The following GAS2L3 variants were observed in gnomAD, a reference collection of about 807,000 sequenced individuals.
The protein encoded by GAS2L3 is growth arrest specific 2 like 3, also known as GAS2-like protein 3.
Under a neutral mutation model 37.0 loss-of-function variants are expected in GAS2L3, and 28 were observed. The observed-to-expected ratio is 0.76, with a 90% confidence interval of 0.56 to 1.04. The LOEUF (loss-of-function observed/expected upper bound fraction) is 1.04, where lower values mean the gene tolerates loss of function less well. Ranked by LOEUF, GAS2L3 falls within the 50% of genes least tolerant of loss-of-function variation. GAS2L3 has a pLI of 0.00. For synonymous variants in GAS2L3, 290 were observed against 296.6 expected, an observed-to-expected ratio of 0.98 and a Z score of 0.23; for missense variants, 793 against 817.6, an observed-to-expected ratio of 0.97 and a Z score of 0.37.
intron 6 of GAS2L3, 120 bp from the exon 7 acceptor site, chr12:100,617,624 C>T: frequency 1.7e-5 from 11 of 640,912 alleles, no homozygotes; most frequent in East Asian, 8.8e-5. Flanking sequence ...TTCATTTTTT[C>T]TAAACAAGTA....
At chr12:100,574,372 A>G (rs1023228924) in intron 1 of GAS2L3, among the ~76,000 whole-genome samples, 8 of 152,096 alleles carry the variant, frequency 5.3e-5, no homozygotes, top group African/African-American at 1.7e-4. Context: ...GAACGCCCAC[A>G]TGTGCGGAAC....
rs1167514893 is a variant in GAS2L3 at position 100,625,176 on chromosome 12, G to T, written c.*286G>T. 1 of 239,666 alleles carries T rather than the reference G, an allele frequency of 4.2e-6. No individual in the cohort carries two copies. The highest frequency in any genetic ancestry group is 1.1e-4 in the South Asian group (1 of 8,796). 14.8% of individuals were successfully genotyped at this position (239,666 alleles called of 1,614,324 possible). On this transcript the variant is annotated 3_prime_UTR_variant, in exon 10 of 10. Transcript: ENST00000547754. The stretch of plus-strand genomic sequence containing the variant: ...CTTTGTTAACATCTGCCTTTTGCAG[G>T]AAATGTAAAAGTTATTTAACACTAC...
At position 100,595,411 on chromosome 12, in the gene GAS2L3, T is replaced by G. The variant is rs1955899419; in HGVS notation, c.18+489T>G. On this transcript the variant is annotated intron_variant, in intron 3 of 9. Coordinates refer to ENST00000547754, the MANE Select transcript of GAS2L3 (RefSeq NM_174942.3). ...TTTAAAGAGTGGGTTTTTTTTTTTT[T>G]GTTTTGTTTTTTGTGGAGGGGTGCA... 4.0e-5 allele frequency among the ~76,000 whole-genome samples: 6 copies of G among 151,352 alleles called. No homozygotes were observed. In the South Asian group the frequency reaches 1.3e-3, roughly 32 times the overall value.
At chr12:100,584,775 G>A (rs1955757656) in intron 1 of GAS2L3, among the ~76,000 whole-genome samples, 3 of 151,174 alleles carry the variant, frequency 2.0e-5, no homozygotes, top group African/African-American at 7.3e-5. Flanking sequence ...GTTTCATCAT[G>A]TTGGCCAGGA....
intron 5 of GAS2L3, among the ~76,000 whole-genome samples, chr12:100,606,463 G>T (rs1311718666): frequency 6.6e-6 from 1 of 151,952 alleles, no homozygotes; most frequent in Non-Finnish European, 1.5e-5. Flanking sequence ...TGTGTTTTTT[G>T]ATTGGAGAAT....
intron 1 of GAS2L3, chr12:100,580,299 T>G: frequency 2.6e-6 from 1 of 388,096 alleles, no homozygotes; most frequent in Non-Finnish European, 4.7e-6. Flanking sequence ...ATTAGTTTTT[T>G]ATAAGTTAAT....
chr12:100,577,885 T>C (rs35711), intron 1 of GAS2L3, among the ~76,000 whole-genome samples: 75,497 of 151,986 alleles, frequency 0.5, 19,263 homozygotes, highest in East Asian at 0.7. Context: ...GCATGGCGCT[T>C]AGAAGGATCT....
intron 8 of GAS2L3, 49 bp downstream of exon 8, chr12:100,618,636 T>C: frequency 1.3e-6 from 2 of 1,546,918 alleles, no homozygotes; most frequent in African/African-American, 1.4e-5. Context: ...TGAAGTCTCA[T>C]AGTTTTAAGC....
chr12:100,579,881 A>G (rs551799319), intron 1 of GAS2L3: 3 of 753,024 alleles, frequency 4.0e-6, no homozygotes, highest in East Asian at 2.4e-5. Context: ...TCCGTAACAT[A>G]GTAAAGACTT....
At chr12:100,592,745 C>G (rs1009557643) in intron 2 of GAS2L3, among the ~76,000 whole-genome samples, 4 of 151,998 alleles carry the variant, frequency 2.6e-5, no homozygotes, top group Non-Finnish European at 4.4e-5. Context: ...GAAAGATTCC[C>G]AACAGGTTTA....
chr12:100,606,970 G>T (rs537003865), intron 5 of GAS2L3, among the ~76,000 whole-genome samples: 7 of 152,096 alleles, frequency 4.6e-5, no homozygotes, highest in Non-Finnish European at 7.4e-5. Flanking sequence ...AGTGAATTTT[G>T]TACCTTCAGA....
Position 100,589,609 on chromosome 12 carries a change from T to C in GAS2L3, c.-151-2127T>C, listed in dbSNP as rs1308236741. Among the ~76,000 whole-genome samples, 3 of 152,032 alleles carry C rather than the reference T, an allele frequency of 2.0e-5. No individual in the cohort carries two copies. The South Asian group carries it at 6.2e-4, about 31-fold the overall frequency. On this transcript the variant is annotated intron_variant, in intron 1 of 9. Coordinates refer to ENST00000547754, the MANE Select transcript of GAS2L3 (RefSeq NM_174942.3). ...ATATGGAACCAAAAAAGAGCCCACATAGCCAAAGCAAGACTAATCAAAAAA... is the reference window on the plus strand; with the variant it reads ...ATATGGAACCAAAAAAGAGCCCACACAGCCAAAGCAAGACTAATCAAAAAA...
At chr12:100,588,220 T>C (rs1955804379) in intron 1 of GAS2L3, among the ~76,000 whole-genome samples, 1 of 152,228 alleles carries the variant, frequency 6.6e-6, no homozygotes, top group African/African-American at 2.4e-5. Flanking sequence ...AATATTTCAG[T>C]GTAGGTTCTT....
At chr12:100,602,876 A>G (rs1477418839) in intron 5 of GAS2L3, among the ~76,000 whole-genome samples, 1 of 152,130 alleles carries the variant, frequency 6.6e-6, no homozygotes, top group African/African-American at 2.4e-5. Context: ...GCACCCACAA[A>G]TAATTGAGAA....
intron 1 of GAS2L3, among the ~76,000 whole-genome samples, chr12:100,585,573 A>G (rs1955770070): frequency 6.6e-6 from 1 of 152,136 alleles, no homozygotes; most frequent in African/African-American, 2.4e-5. Flanking sequence ...CTCTTGACCC[A>G]TGTATGCTGT....
At chr12:100,610,205 A>G (rs746757718) in intron 5 of GAS2L3, among the ~76,000 whole-genome samples, 4 of 152,272 alleles carry the variant, frequency 2.6e-5, no homozygotes, top group Admixed American at 6.5e-5. Context: ...TGAAAGTGAT[A>G]GTACAAAAAT....
chr12:100,611,083 C>T (rs1206497080), intron 5 of GAS2L3: 1 of 151,116 alleles, frequency 6.6e-6, no homozygotes, highest in South Asian at 2.1e-4. Context: ...AACTACTGGG[C>T]TCAAGTGATC....
chr12:100,579,177 TG>T, intron 1 of GAS2L3: 1 of 660,312 alleles, frequency 1.5e-6, no homozygotes, highest in Non-Finnish European at 2.8e-6. Flanking sequence ...GCCAAGACAA[TG>T]GGGCTTCAAA....
At chr12:100,604,149 AT>A in intron 5 of GAS2L3, among the ~76,000 whole-genome samples, 1 of 152,122 alleles carries the variant, frequency 6.6e-6, no homozygotes, top group African/African-American at 2.4e-5. Flanking sequence ...CATCATTGGT[AT>A]TTTGATAAGT....
Sources: gnomAD v4.1 joint callset for allele counts (sites outside exome capture counted in the v4.1 genomes callset) on GRCh38, gnomAD v4.1.1 for gene constraint, MANE v1.5 for transcripts, NCBI Gene and HGNC (gene_info 2026-07-23, HGNC 2026-07-21) for gene names.